The following EGFR variants were observed in gnomAD, a reference collection of about 807,000 sequenced individuals.
EGFR encodes avian erythroblastic leukemia viral (v-erb-b) oncogene homolog.
A neutral mutation model predicts 143.0 loss-of-function variants in EGFR; 58 were observed. The ratio of observed to expected loss-of-function variants is 0.41; its 90% CI spans 0.33 to 0.50. The LOEUF is 0.50. EGFR is among the 20% of genes least tolerant of loss of function. EGFR has a pLI of 0.39. For missense variants in EGFR, 1,307 were observed against 1,579.0 expected, an observed-to-expected ratio of 0.83 and a Z score of 2.92; for synonymous variants, 613 against 594.4, an observed-to-expected ratio of 1.03 and a Z score of -0.45.
At chr7:55,120,965 C>A (rs2128913685) in intron 1 of EGFR, among the ~76,000 whole-genome samples, 1 of 152,252 alleles carries the variant, frequency 6.6e-6, no homozygotes, top group South Asian at 2.1e-4. Flanking sequence ...CTGTTTGTTG[C>A]AAGTTGGGAC....
rs933093131 is a variant in EGFR at position 55,156,947 on chromosome 7, G to A, written c.1207+115G>A. 6 of 1,558,102 alleles carry A rather than the reference G, an allele frequency of 3.9e-6. No individual in the cohort carries two copies. In the African/African-American group the frequency reaches 4.1e-5, roughly 11 times the overall value. ...AAAACATTTCTTCTGAAATTTTACC[G>A]TTAATGGCTGATGTTTTGATATTTT... is the stretch of plus-strand genomic sequence containing the variant. On this transcript the variant is annotated intron_variant, in intron 10 of 27. Coordinates refer to ENST00000275493, the MANE Select transcript of EGFR (RefSeq NM_005228.5).
chr7:55,064,502 C>A (rs1789383914), intron 1 of EGFR, among the ~76,000 whole-genome samples: 1 of 152,192 alleles, frequency 6.6e-6, no homozygotes, highest in African/African-American at 2.4e-5. Flanking sequence ...CACACAAACA[C>A]CCATTCATGC....
In EGFR at chr7:55,051,523, A is replaced by G; in HGVS notation, c.88+32158A>G. On this transcript the variant is annotated intron_variant, in intron 1 of 27. Coordinates refer to ENST00000275493, the MANE Select transcript of EGFR (RefSeq NM_005228.5). Reference sequence around the variant, plus strand: ...TGCCGTGGGGTGACACAGCAAGAAGACCCTCCCCAGATGCTGGCACCATGC... The same window carrying G: ...TGCCGTGGGGTGACACAGCAAGAAGGCCCTCCCCAGATGCTGGCACCATGC... 1.3e-5 allele frequency among the ~76,000 whole-genome samples: 2 copies of G among 151,666 alleles called. 1 individual carries two copies. Among genetic ancestry groups the G allele is most frequent in the Non-Finnish European group, 2.9e-5 (2 of 67,956 alleles).
intron 1 of EGFR, among the ~76,000 whole-genome samples, chr7:55,052,020 G>C (rs1420203948): frequency 6.6e-6 from 1 of 152,320 alleles, no homozygotes; most frequent in East Asian, 1.9e-4. Flanking sequence ...TGTGCCCACT[G>C]AGTCCAGAAC....
intron 1 of EGFR, among the ~76,000 whole-genome samples, chr7:55,062,128 G>GCCTTGTTT (rs1789219472): frequency 6.6e-6 from 1 of 152,212 alleles, no homozygotes. Context: ...TTAGAAACAA[G>GCCTTGTTT]AGATGTCCAA....
At chr7:55,054,019 G>A (rs911852451) in intron 1 of EGFR, among the ~76,000 whole-genome samples, 11 of 140,334 alleles carry the variant, frequency 7.8e-5, no homozygotes, top group East Asian at 2.5e-4. Flanking sequence ...CTCCCTCTCC[G>A]TAGAATATTT....
intron 15 of EGFR, chr7:55,170,342 G>C (rs781128508): frequency 6.2e-7 from 1 of 1,614,068 alleles, no homozygotes; most frequent in African/African-American, 1.3e-5. Context: ...ATGTTATTCT[G>C]CCTTTTTAAA....
At chr7:55,165,229 A>G in intron 14 of EGFR, 51 bp from the exon 15 acceptor site, 1 of 1,612,948 alleles carries the variant, frequency 6.2e-7, no homozygotes, top group Non-Finnish European at 8.5e-7. Context: ...TTCCATTTTG[A>G]AAGAGAAAAG....
intron 1 of EGFR, among the ~76,000 whole-genome samples, chr7:55,049,680 C>G (rs1788373478): frequency 6.6e-6 from 1 of 152,102 alleles, no homozygotes; most frequent in African/African-American, 2.4e-5. Flanking sequence ...GCCAGCACAG[C>G]CTATTGCAGG....
intron 1 of EGFR, among the ~76,000 whole-genome samples, chr7:55,106,410 C>A (rs1055174470): frequency 6.6e-6 from 1 of 152,228 alleles, no homozygotes; most frequent in Non-Finnish European, 1.5e-5. Context: ...GCAAGCCCAC[C>A]TTTTCCCTTC....
At chr7:55,063,435 G>T in intron 1 of EGFR, among the ~76,000 whole-genome samples, 1 of 152,168 alleles carries the variant, frequency 6.6e-6, no homozygotes, top group East Asian at 1.9e-4. Flanking sequence ...TTATGGAGGG[G>T]TTAGTGTGTG....
intron 4 of EGFR, 29 bp from the exon 5 acceptor site, chr7:55,151,265 G>T (rs756965461): frequency 6.2e-7 from 1 of 1,610,736 alleles, no homozygotes; most frequent in Non-Finnish European, 8.5e-7. Flanking sequence ...ATTTCACTGA[G>T]ATATGCATCT....
At chr7:55,093,627 A>C (rs931024183) in intron 1 of EGFR, among the ~76,000 whole-genome samples, 1 of 152,136 alleles carries the variant, frequency 6.6e-6, no homozygotes, top group East Asian at 1.9e-4. Context: ...ATTTCTGTTC[A>C]TATCTGTGGA....
At chr7:55,137,956 A>G (rs1189396073) in intron 1 of EGFR, among the ~76,000 whole-genome samples, 1 of 152,204 alleles carries the variant, frequency 6.6e-6, no homozygotes, top group African/African-American at 2.4e-5. Context: ...ATCCTCTCAC[A>G]GTTTGTGGAT....
intron 15 of EGFR, chr7:55,170,310 A>C (rs1426415943): frequency 6.2e-7 from 1 of 1,614,214 alleles, no homozygotes; most frequent in Admixed American, 1.7e-5. Flanking sequence ...TCTCCAGGCC[A>C]GGAAATGAGA....
At chr7:55,077,140 C>T (rs3735064) in intron 1 of EGFR, among the ~76,000 whole-genome samples, 40,062 of 151,810 alleles carry the variant, frequency 0.26, 6,770 homozygotes, top group East Asian at 0.87. Flanking sequence ...TATTTAGACC[C>T]CAAAGATTCC....
In EGFR at chr7:55,206,572, A is replaced by G. The variant is rs1209225493; in HGVS notation, c.*955A>G. ...AAACGTATCTCCTAATTTGAGGCTC[A>G]GATGAAATGCATCAGGTCCTTTGGG... On this transcript the variant is annotated 3_prime_UTR_variant, in exon 28 of 28. Coordinates refer to ENST00000275493, the MANE Select transcript of EGFR (RefSeq NM_005228.5). 1 of 233,214 alleles carries G rather than the reference A, an allele frequency of 4.3e-6. No individual in the cohort carries two copies. The highest frequency in any genetic ancestry group is 2.2e-5 in the African/African-American group (1 of 45,352). The allele number at this position is 233,214 out of a possible 1,614,324, so 14.4% of individuals were successfully genotyped here.
intron 20 of EGFR, among the ~76,000 whole-genome samples, chr7:55,187,629 G>A (rs1787199722): frequency 6.6e-6 from 1 of 152,228 alleles, no homozygotes; most frequent in African/African-American, 2.4e-5. Flanking sequence ...AAGCTGGCCT[G>A]AGGAACAGAC....
chr7:55,098,365 T>C (rs1240922871), intron 1 of EGFR, among the ~76,000 whole-genome samples: 1 of 152,216 alleles, frequency 6.6e-6, no homozygotes, highest in Non-Finnish European at 1.5e-5. Context: ...ACAGCACGCA[T>C]GACCTTCCCA....
Sources: gnomAD v4.1 joint callset for allele counts (sites outside exome capture counted in the v4.1 genomes callset) on GRCh38, gnomAD v4.1.1 for gene constraint, MANE v1.5 for transcripts, NCBI Gene and HGNC (gene_info 2026-07-23, HGNC 2026-07-21) for gene names.